Variants in ATAD3A observed in about 807,000 individuals in gnomAD.
ATAD3A encodes the protein ATPase family AAA domain-containing protein 3A.
In ATAD3A, 46 loss-of-function variants were observed where a neutral mutation model predicts 73.8. The observed-to-expected ratio is 0.62, with a 90% CI of 0.49 to 0.80. The LOEUF (loss-of-function observed/expected upper bound fraction) is 0.80. ATAD3A is among the 30% of genes least tolerant of loss of function. ATAD3A has a pLI of 0.00. For missense variants in ATAD3A, 705 were observed against 838.0 expected (o/e 0.84, Z 1.96); for synonymous variants, 319 against 350.0 (o/e 0.91, Z 0.99).
At chr1:1,513,174 G>A (rs1198048252) in intron 1 of ATAD3A, among the ~76,000 whole-genome samples, 6 of 152,244 alleles carry the variant, frequency 3.9e-5, no homozygotes. Flanking sequence ...TAACCATCAG[G>A]TTAGGATGGG....
At position 1,524,255 on chromosome 1, in the gene ATAD3A, C is replaced by T. The variant is rs368837860; in HGVS notation, c.1090-18C>T. On this transcript the variant is annotated intron_variant, in intron 10 of 15. Coordinates refer to ENST00000378756, the MANE Select transcript of ATAD3A (RefSeq NM_001170535.3). ...GGAGGGAACATCTGCTCTGTCTCCC[C>T]TCACTCTTCCTGTCCAGAAACTCGC... The T allele has an allele frequency of 2.2e-4, 361 of 1,613,822 alleles. No individual in the cohort carries two copies. The highest frequency in any genetic ancestry group is 7.7e-4 in the South Asian group (70 of 91,088).
chr1:1,514,801 G>A (rs1282255053), intron 1 of ATAD3A, among the ~76,000 whole-genome samples: 1 of 152,198 alleles, frequency 6.6e-6, no homozygotes, highest in Admixed American at 6.5e-5. Flanking sequence ...AGAGAGACGG[G>A]AACAACGCAC....
intron 10 of ATAD3A, 82 bp from the exon 11 acceptor site, chr1:1,524,191 C>T: frequency 6.2e-7 from 1 of 1,610,548 alleles, no homozygotes; most frequent in South Asian, 1.1e-5. Context: ...TGGGCAGAGC[C>T]TCCACACTCC....
intron 8 of ATAD3A, 84 bp downstream of exon 8, chr1:1,522,983 C>T (rs1317704677): frequency 6.5e-7 from 1 of 1,540,528 alleles, no homozygotes. Context: ...CGCACACCCT[C>T]CCGTCCCTTC....
At chr1:1,533,844 C>T in intron 15 of ATAD3A, 82 bp from the exon 16 acceptor site, 1 of 1,518,908 alleles carries the variant, frequency 6.6e-7, no homozygotes, top group Middle Eastern at 2.3e-4. Flanking sequence ...GGTTTGGTCC[C>T]TCCCCACCTC....
At position 1,520,260 on chromosome 1, in the gene ATAD3A, C is replaced by T. The variant is rs1023182167; in HGVS notation, c.634C>T (p.Arg212Cys). 1.4e-5 allele frequency: 22 copies of T among 1,612,876 alleles called. No individual in the cohort carries two copies. Among genetic ancestry groups the T allele is most frequent in the Admixed American group, 1.0e-4 (6 of 59,996 alleles). The change falls in exon 6 of 16, where the codon CGC (arginine) becomes TGC (cysteine). Residue 212 changes from arginine to cysteine, a missense_variant. Arg to Cys is a radical substitution (Grantham distance 180). Around this residue, in one of 5 missense-constraint regions of ATAD3A, gnomAD observed 315 missense variants for 334.1 expected, o/e 0.94. Transcript: ENST00000378756. This position sits in a 1 kb window ranked among gnomAD's most constrained non-coding sequence, Gnocchi z 4.0. ...ENADIIREQI[R>C]LKAAEHRQTV... The stretch of plus-strand genomic sequence containing the variant: ...TGCAGACATCATCCGCGAGCAGATC[C>T]GCCTGAAGGCGGCCGAGCACCGTCA...
chr1:1,528,560 G>C (rs951752554), intron 14 of ATAD3A, among the ~76,000 whole-genome samples: 4 of 152,268 alleles, frequency 2.6e-5, no homozygotes, highest in African/African-American at 7.2e-5. Flanking sequence ...CAGGCTCCCT[G>C]TTGCTGGCGG....
intron 14 of ATAD3A, 145 bp from the exon 15 acceptor site, chr1:1,529,078 T>A (rs1302278541): frequency 7.9e-7 from 1 of 1,272,654 alleles, no homozygotes; most frequent in Admixed American, 2.1e-5. Flanking sequence ...GCAGGGAGGA[T>A]GTGGAGCTGG....
Position 1,529,216 on chromosome 1 carries a change from T to G in ATAD3A, c.1506-7T>G. On this transcript the variant is annotated splice_polypyrimidine_tract_variant and splice_region_variant and intron_variant, in intron 14 of 15. Transcript: ENST00000378756. ...TTGGCCGGCCCACTTGGGAACTCCT[T>G]CCCCAGGCGCCTGAAGCTGGCCCAG... is the stretch of plus-strand genomic sequence containing the variant. The G allele has an allele frequency of 6.2e-7, 1 of 1,607,616 alleles. No individual in the cohort carries two copies. The highest frequency in any genetic ancestry group is 8.5e-7 in the Non-Finnish European group (1 of 1,178,038).
At chr1:1,516,952 T>C (rs1641378306) in intron 2 of ATAD3A, 1 of 772,000 alleles carries the variant, frequency 1.3e-6, no homozygotes, top group Admixed American at 3.0e-5. Flanking sequence ...CCTCAGTTGA[T>C]CCACCCACTT....
intron 15 of ATAD3A, among the ~76,000 whole-genome samples, chr1:1,532,613 G>A (rs1299652180): frequency 1.3e-5 from 2 of 152,178 alleles, no homozygotes; most frequent in African/African-American, 2.4e-5. Context: ...GCTCCTGCCA[G>A]GTCCCGTGCT....
chr1:1,521,388 G>GAGAGTTTGAA (rs1215281111), intron 7 of ATAD3A, among the ~76,000 whole-genome samples: 4 of 147,674 alleles, frequency 2.7e-5, no homozygotes. Context: ...ATAAAACCCT[G>GAGAGTTTGAA]AGAGTTTGAA....
intron 7 of ATAD3A, among the ~76,000 whole-genome samples, chr1:1,521,318 A>AG (rs1406234693): frequency 6.7e-6 from 1 of 148,308 alleles, no homozygotes; most frequent in Non-Finnish European, 1.5e-5. Flanking sequence ...AAAAAAAAAA[A>AG]AAAAAAAAAA....
chr1:1,527,684 C>G lies in ATAD3A; in HGVS notation c.1338-11C>G. 4 of 1,605,074 alleles carry G rather than the reference C, an allele frequency of 2.5e-6. No homozygotes were observed. Among genetic ancestry groups the G allele is most frequent in the Non-Finnish European group, 3.4e-6 (4 of 1,174,544 alleles). On this transcript the variant is annotated splice_polypyrimidine_tract_variant and intron_variant, in intron 13 of 15. Transcript: ENST00000378756. Reference sequence around the variant, plus strand: ...AGCCCCAGCATCCTCATCCTCATCCCCGCCCCGCAGGTTCATGCTGGTCCT... The same window carrying G: ...AGCCCCAGCATCCTCATCCTCATCCGCGCCCCGCAGGTTCATGCTGGTCCT...
chr1:1,523,386 C>A lies in ATAD3A; in HGVS notation c.907-125C>A. The A allele has an allele frequency of 6.8e-7, 1 of 1,468,420 alleles. No individual in the cohort carries two copies. 91.0% of individuals were successfully genotyped at this position (1,468,420 alleles called of 1,614,324 possible). On this transcript the variant is annotated intron_variant, in intron 8 of 15. Coordinates refer to ENST00000378756, the MANE Select transcript of ATAD3A (RefSeq NM_001170535.3). The surrounding 1 kb of genome is among the most constrained non-coding windows in gnomAD (Gnocchi z 5.1). ...GGCGGGGCAGGGTTCCAGCTCCGGG[C>A]CGGTCCTGGCTGTGCTTTGGGGCAG...
At chr1:1,519,690 G>A (rs1167970242) in intron 5 of ATAD3A, among the ~76,000 whole-genome samples, 4 of 138,048 alleles carry the variant, frequency 2.9e-5, no homozygotes, top group African/African-American at 8.3e-5. Flanking sequence ...AGCCAGGCAC[G>A]TGGCACGTCA....
rs560751202 is a variant in ATAD3A, at chr1:1,522,796, C to T, written c.803C>T (p.Thr268Met). 97 of 1,611,304 alleles carry T rather than the reference C, an allele frequency of 6.0e-5. No homozygotes were observed. The highest frequency in any genetic ancestry group is 7.0e-5 in the Non-Finnish European group (83 of 1,179,768). The change falls in exon 8 of 16, where the codon ACG becomes ATG. Residue 268 changes from threonine to methionine, a missense_variant. Physicochemically the swap from Thr to Met is moderately conservative, Grantham distance 81. Around this residue, in one of 5 missense-constraint regions of ATAD3A, gnomAD observed 315 missense variants for 334.1 expected, o/e 0.94. Transcript: ENST00000378756. The stretch of plus-strand genomic sequence containing the variant: ...GGGGTCTACTCAGCCAAGAATGCCA[C>T]GCTTGTCGCCGGCCGCTTCATCGAG... ...AVGVYSAKNA[T>M]LVAGRFIEAR...
At chr1:1,528,490 C>T (rs12035305) in intron 14 of ATAD3A, among the ~76,000 whole-genome samples, 3,200 of 152,328 alleles carry the variant, frequency 0.021, 95 homozygotes, top group African/African-American at 0.069. Flanking sequence ...CTGCCACACC[C>T]GGCCCTGGAG....
Position 1,534,496 on chromosome 1 carries a change from G to C in ATAD3A, c.*424G>C. On this transcript the variant is annotated 3_prime_UTR_variant, in exon 16 of 16. Transcript: ENST00000378756. ...GGGGCGCCTGCCAGGGCCAGACCCAGGTGGGGCAGCCTGAACCCTGCTTCC... is the reference window on the plus strand; with the variant it reads ...GGGGCGCCTGCCAGGGCCAGACCCACGTGGGGCAGCCTGAACCCTGCTTCC... 1 of 857,216 alleles carries C rather than the reference G, an allele frequency of 1.2e-6. No homozygotes were observed. Among genetic ancestry groups the C allele is most frequent in the South Asian group, 3.4e-5 (1 of 29,296 alleles). 53.1% of individuals were successfully genotyped at this position (857,216 alleles called of 1,614,324 possible).
Sources: allele counts gnomAD v4.1 joint callset (sites outside exome capture counted in the v4.1 genomes callset), GRCh38; gene constraint gnomAD v4.1.1; regional missense constraint gnomAD v4.1.1; non-coding constraint Gnocchi (gnomAD v3.1); transcripts MANE v1.5; gene names NCBI Gene and HGNC (gene_info 2026-07-23, HGNC 2026-07-21).